CELF2: variants seen among roughly 807,000 people sequenced by gnomAD.
CELF2 encodes the protein CUGBP Elav-like family member 2.
Under a neutral mutation model 62.6 loss-of-function variants are expected in CELF2, and 8 were observed. The ratio of observed to expected loss-of-function variants is 0.13; its 90% confidence interval spans 0.07 to 0.23. The LOEUF is 0.23. CELF2 is among the 10% of genes least tolerant of loss of function. The pLI is 1.00. For synonymous variants in CELF2, 258 were observed against 250.0 expected (o/e 1.03, Z -0.30); for missense variants, 333 against 671.0 (o/e 0.50, Z 5.56).
At chr10:11,173,796 T>C (rs2069881294) in intron 2 of CELF2, among the ~76,000 whole-genome samples, 1 of 152,156 alleles carries the variant, frequency 6.6e-6, no homozygotes. Context: ...TACAGAATAA[T>C]CATTATGATC....
At chr10:10,975,999 G>A (rs549405999) in intron 2 of CELF2, among the ~76,000 whole-genome samples, 1 of 152,352 alleles carries the variant, frequency 6.6e-6, no homozygotes, top group East Asian at 1.9e-4. Context: ...CTGGGAAAGG[G>A]GCAGTAACTT....
At position 11,318,855 on chromosome 10, in the gene CELF2, G is replaced by A. The variant is rs1254046741; in HGVS notation, c.1097-2334G>A. 4.2e-6 allele frequency: 2 copies of A among 471,134 alleles called. No individual in the cohort carries two copies. Among genetic ancestry groups the A allele is most frequent in the South Asian group, 1.5e-5 (1 of 64,566 alleles). 29.2% of individuals were successfully genotyped at this position (471,134 alleles called of 1,614,324 possible). A position where few individuals can be genotyped will look rare whatever the true frequency, so the allele number is the denominator to read the frequency against. On this transcript the variant is annotated intron_variant, in intron 10 of 12. Coordinates refer to ENST00000633077, the MANE Select transcript of CELF2 (RefSeq NM_001326342.2). The surrounding 1 kb of genome is among the most constrained non-coding windows in gnomAD (Gnocchi z 5.4). ...TGGCACTCTGGAGAAGCCGAGTCGT[G>A]GAGGCTGCACATCGCAGGAAGGATC...
intron 2 of CELF2, among the ~76,000 whole-genome samples, chr10:10,944,886 A>G (rs2047483197): frequency 6.6e-6 from 1 of 152,166 alleles, no homozygotes; most frequent in African/African-American, 2.4e-5. Context: ...TATAGGCATG[A>G]GTCCCTGCAT....
chr10:11,154,972 C>T (rs530871548), intron 1 of CELF2, among the ~76,000 whole-genome samples: 3 of 152,182 alleles, frequency 2.0e-5, no homozygotes, highest in Admixed American at 2.0e-4. Context: ...TCAGTTGTTG[C>T]ATTGAATGAC....
In CELF2 at chr10:10,806,080, A is replaced by G. The variant is rs1158512541; in HGVS notation, c.53+7263A>G. Among the ~76,000 whole-genome samples, 7 of 152,232 alleles carry G rather than the reference A, an allele frequency of 4.6e-5. No homozygotes were observed. In the South Asian group the frequency reaches 1.0e-3, roughly 22 times the overall value. ...TTTAGATGGTGAAGTGAGAAGGGCA[A>G]TGGCAGTCAGACAGATTTCCTGGTT... On this transcript the variant is annotated intron_variant, in intron 1 of 13. Coordinates refer to the CELF2 transcript ENST00000636488.
At chr10:11,063,224 C>G (rs1434338920) in intron 1 of CELF2, among the ~76,000 whole-genome samples, 1 of 152,162 alleles carries the variant, frequency 6.6e-6, no homozygotes, top group Non-Finnish European at 1.5e-5. Context: ...GGAACCAAAC[C>G]TGCTGTATCC....
intron 1 of CELF2, among the ~76,000 whole-genome samples, chr10:10,827,325 T>C (rs1590867870): frequency 6.6e-6 from 1 of 152,304 alleles, no homozygotes; most frequent in South Asian, 2.1e-4. Context: ...TTTTATTAAC[T>C]CTGTTAAGAA....
At chr10:10,774,494 T>C in the CELF2 span, among the ~76,000 whole-genome samples, 23 of 152,328 alleles carry the variant, frequency 1.5e-4, no homozygotes, top group East Asian at 1.7e-3. Context: ...GTTCTCATGA[T>C]AGAGTTCTTA....
At chr10:10,672,175 A>G in the CELF2 span, among the ~76,000 whole-genome samples, 2 of 152,208 alleles carry the variant, frequency 1.3e-5, no homozygotes, top group Non-Finnish European at 2.9e-5. Flanking sequence ...ACAAATATTT[A>G]TCGCCGGTCT....
At chr10:11,037,048 T>A (rs997574893) in intron 1 of CELF2, among the ~76,000 whole-genome samples, 4 of 148,202 alleles carry the variant, frequency 2.7e-5, no homozygotes, top group Non-Finnish European at 5.9e-5. Flanking sequence ...CTTCACCCAC[T>A]GTATTAGTCC....
At chr10:10,594,428 G>A in the CELF2 span, among the ~76,000 whole-genome samples, 1 of 152,322 alleles carries the variant, frequency 6.6e-6, no homozygotes, top group Non-Finnish European at 1.5e-5. Flanking sequence ...CCAGGCATGA[G>A]ACTGCATAGT....
At chr10:11,185,478 G>A (rs2074617375) in intron 2 of CELF2, among the ~76,000 whole-genome samples, 1 of 152,158 alleles carries the variant, frequency 6.6e-6, no homozygotes, top group Admixed American at 6.5e-5. Context: ...TCAATGGCAC[G>A]ATCTCGGCTC....
chr10:10,575,994 C>T, the CELF2 span, among the ~76,000 whole-genome samples: 1 of 152,188 alleles, frequency 6.6e-6, no homozygotes, highest in African/African-American at 2.4e-5. Context: ...TCAAAGTAGA[C>T]ATTTTAGCAG....
intron 1 of CELF2, among the ~76,000 whole-genome samples, chr10:11,083,438 C>G (rs184341036): frequency 6.6e-6 from 1 of 152,092 alleles, no homozygotes; most frequent in Non-Finnish European, 1.5e-5. Context: ...CTAGGAGTAG[C>G]GTGATGATGG....
At chr10:10,603,706 C>T in the CELF2 span, among the ~76,000 whole-genome samples, 1 of 152,004 alleles carries the variant, frequency 6.6e-6, no homozygotes, top group African/African-American at 2.4e-5. Flanking sequence ...ACCTGTAGGT[C>T]TCTAGTGTTA....
chr10:10,614,636 G>C, the CELF2 span, among the ~76,000 whole-genome samples: 1 of 152,136 alleles, frequency 6.6e-6, no homozygotes, highest in South Asian at 2.1e-4. Context: ...AAATAAAAAT[G>C]AACAAGGTGC....
intron 1 of CELF2, among the ~76,000 whole-genome samples, chr10:11,055,116 T>G (rs1369956882): frequency 3.9e-5 from 6 of 152,244 alleles, no homozygotes; most frequent in Admixed American, 1.3e-4. Context: ...GTTTCATGTG[T>G]TAATGTATTA....
chr10:10,521,724 A>G, the CELF2 span, among the ~76,000 whole-genome samples: 5 of 152,210 alleles, frequency 3.3e-5, no homozygotes, highest in Non-Finnish European at 7.3e-5. Context: ...GTAAAAATTG[A>G]TACAACTTCC....
intron 2 of CELF2, among the ~76,000 whole-genome samples, chr10:10,987,390 C>A (rs1263053253): frequency 6.6e-6 from 1 of 151,944 alleles, no homozygotes; most frequent in Admixed American, 6.6e-5. Flanking sequence ...TATATATACA[C>A]ACACATATAC....
Sources: allele counts gnomAD v4.1 joint callset (sites outside exome capture counted in the v4.1 genomes callset), GRCh38; gene constraint gnomAD v4.1.1; non-coding constraint Gnocchi (gnomAD v3.1); transcripts MANE v1.5; gene names NCBI Gene and HGNC (gene_info 2026-07-23, HGNC 2026-07-21).